The following PKP1 variants were observed in gnomAD, a reference collection of about 807,000 sequenced individuals.
PKP1 encodes the protein plakophilin 1.
Under a neutral mutation model 76.4 loss-of-function variants are expected in PKP1, and 27 were observed. The observed-to-expected ratio is 0.35, with a 90% CI of 0.26 to 0.49. The LOEUF (loss-of-function observed/expected upper bound fraction) is 0.49, where lower values mean the gene tolerates loss of function less well. Ranked by LOEUF, PKP1 falls within the 20% of genes least tolerant of loss-of-function variation. The pLI is 0.99. For missense variants in PKP1, 964 were observed against 955.2 expected (o/e 1.01, Z -0.12); for synonymous variants, 404 against 384.2 (o/e 1.05, Z -0.60).
chr1:201,296,915 A>G (rs1367255415), intron 2 of PKP1, among the ~76,000 whole-genome samples: 2 of 152,216 alleles, frequency 1.3e-5, no homozygotes, highest in Non-Finnish European at 2.9e-5. Flanking sequence ...CTAGTTCTAA[A>G]TATCAAACCA....
intron 1 of PKP1, among the ~76,000 whole-genome samples, chr1:201,292,239 C>T (rs113796923): frequency 0.011 from 1,610 of 152,224 alleles, 30 homozygotes; most frequent in African/African-American, 0.036. Context: ...CAGTCAGGCA[C>T]GTGTCACTAT....
intron 1 of PKP1, among the ~76,000 whole-genome samples, chr1:201,288,490 G>A (rs76125122): frequency 1.1e-3 from 170 of 152,274 alleles, no homozygotes; most frequent in African/African-American, 3.9e-3. Context: ...AAGATGGCAC[G>A]GGCATCAGGA....
At chr1:201,302,861 G>A (rs968784713) in intron 2 of PKP1, among the ~76,000 whole-genome samples, 12 of 152,126 alleles carry the variant, frequency 7.9e-5, no homozygotes, top group Non-Finnish European at 1.3e-4. Context: ...ACAGGCTGCC[G>A]AACTGCCGAA....
At chr1:201,323,328 G>T in intron 9 of PKP1, 139 bp downstream of exon 9, 5 of 796,010 alleles carry the variant, frequency 6.3e-6, no homozygotes, top group South Asian at 5.9e-5. Flanking sequence ...CATATGCTGG[G>T]CTCTGGGCTG....
chr1:201,326,227 G>C (rs1249797052), intron 12 of PKP1, among the ~76,000 whole-genome samples: 2 of 152,248 alleles, frequency 1.3e-5, no homozygotes, highest in Non-Finnish European at 2.9e-5. Context: ...TCAAACTGAA[G>C]AGCTTGGACT....
At chr1:201,320,845 C>T in intron 7 of PKP1, among the ~76,000 whole-genome samples, 1 of 152,176 alleles carries the variant, frequency 6.6e-6, no homozygotes, top group East Asian at 1.9e-4. Flanking sequence ...ACTGGTGCCC[C>T]CAGGGCTTAG....
intron 1 of PKP1, among the ~76,000 whole-genome samples, chr1:201,292,620 G>A (rs1470215263): frequency 6.6e-6 from 1 of 152,186 alleles, no homozygotes; most frequent in Non-Finnish European, 1.5e-5. Flanking sequence ...GCTCCCCCAG[G>A]CAATGGCCGG....
chr1:201,297,486 A>G (rs1326283573), intron 2 of PKP1, among the ~76,000 whole-genome samples: 3 of 152,222 alleles, frequency 2.0e-5, no homozygotes, highest in African/African-American at 7.2e-5. Flanking sequence ...GTAGAATATT[A>G]GAGCCCAACA....
intron 2 of PKP1, among the ~76,000 whole-genome samples, chr1:201,309,760 C>T (rs141867633): frequency 2.0e-5 from 3 of 152,182 alleles, no homozygotes; most frequent in Non-Finnish European, 2.9e-5. Flanking sequence ...TGTTTGGAAA[C>T]GTGTGGGGAC....
chr1:201,313,730 G>A (rs1380324296), intron 3 of PKP1, among the ~76,000 whole-genome samples, 170 bp downstream of exon 3: 1 of 152,234 alleles, frequency 6.6e-6, no homozygotes, highest in East Asian at 1.9e-4. Context: ...GGAGAACCTG[G>A]CCCCATGGGC....
chr1:201,313,341 G>T lies in PKP1; in HGVS notation c.482G>T (p.Cys161Phe), dbSNP rs34704938. ...KASRSEPDLYCDPRGTLRKGT... is the reference protein window; with the variant it reads ...KASRSEPDLYFDPRGTLRKGT... The stretch of plus-strand genomic sequence containing the variant: ...AGCCGCAGTGAGCCCGACCTCTACT[G>T]TGACCCACGGGGCACCCTGCGCAAG... Residue 161 changes from cysteine (C) to phenylalanine (F), a missense_variant, in exon 3 of 14, where the codon TGT becomes TTT. By Grantham distance (205) the Cys-to-Phe change is radical. Transcript: ENST00000367324. 1.3e-6 allele frequency: 2 copies of T among 1,588,828 alleles called. No homozygotes were observed. Among genetic ancestry groups the T allele is most frequent in the Non-Finnish European group, 1.7e-6 (2 of 1,167,380 alleles).
At chr1:201,306,108 T>G (rs1441257422) in intron 2 of PKP1, among the ~76,000 whole-genome samples, 3 of 152,236 alleles carry the variant, frequency 2.0e-5, no homozygotes, top group Non-Finnish European at 4.4e-5. Context: ...GTATGAAACC[T>G]TAGGTTCTTG....
rs832143 is a variant in PKP1, at chr1:201,293,627, G to T, written c.203-315G>T. 0.2 allele frequency among the ~76,000 whole-genome samples: 30,906 copies of T among 152,122 alleles called. 3,802 individuals carry two copies. The highest frequency in any genetic ancestry group is 0.33 in the Middle Eastern group (96 of 294). On this transcript the variant is annotated intron_variant, in intron 1 of 13. Coordinates refer to ENST00000367324, the MANE Select transcript of PKP1 (RefSeq NM_001005337.3). ...TGGGCTGGAATGGCCGTGCTCCAAG[G>T]CCCTCCAGACCAAGTCCTGACCTGT...
chr1:201,308,881 G>A (rs913405872), intron 2 of PKP1, among the ~76,000 whole-genome samples: 3 of 152,184 alleles, frequency 2.0e-5, no homozygotes, highest in Admixed American at 2.0e-4. Flanking sequence ...GCAGGGGCCA[G>A]TGGGGGGCAC....
In PKP1 at chr1:201,324,977, C is replaced by A; in HGVS notation, c.1871C>A (p.Thr624Asn). The A allele has an allele frequency of 1.9e-6, 3 of 1,613,868 alleles. No individual in the cohort carries two copies. The highest frequency in any genetic ancestry group is 2.5e-6 in the Non-Finnish European group (3 of 1,180,008). ...TTCCCGGAGGTGACCAGGCTCCTCACCAGCCACACTGGCAATACCAGCAAC... is the reference window on the plus strand; with the variant it reads ...TTCCCGGAGGTGACCAGGCTCCTCAACAGCCACACTGGCAATACCAGCAAC... ...QVFPEVTRLL[T>N]SHTGNTSNSE... Residue 624 changes from threonine (T) to asparagine (N), a missense_variant, in exon 11 of 14, where the codon ACC becomes AAC. Coordinates refer to ENST00000367324, the MANE Select transcript of PKP1 (RefSeq NM_001005337.3).
At chr1:201,312,696 G>A (rs1656596744) in intron 2 of PKP1, among the ~76,000 whole-genome samples, 1 of 152,330 alleles carries the variant, frequency 6.6e-6, no homozygotes, top group East Asian at 1.9e-4. Context: ...GACCCGTTCT[G>A]TGTCTGTGGG....
chr1:201,318,495 G>C (rs550214813), intron 5 of PKP1, 123 bp from the exon 6 acceptor site: 3 of 802,444 alleles, frequency 3.7e-6, no homozygotes, highest in Non-Finnish European at 6.4e-6. Context: ...TACAGACCAG[G>C]GCTACCTGGA....
At chr1:201,290,639 G>T (rs773571279) in intron 1 of PKP1, among the ~76,000 whole-genome samples, 1 of 152,196 alleles carries the variant, frequency 6.6e-6, no homozygotes, top group South Asian at 2.1e-4. Flanking sequence ...CTAAGCACCA[G>T]GCATCAGAGC....
intron 2 of PKP1, among the ~76,000 whole-genome samples, chr1:201,312,240 G>A (rs1348418477): frequency 6.6e-6 from 1 of 152,210 alleles, no homozygotes; most frequent in Non-Finnish European, 1.5e-5. Flanking sequence ...TTCTTGCCCT[G>A]GAAGAGGGGA....
Sources: allele counts gnomAD v4.1 joint callset (sites outside exome capture counted in the v4.1 genomes callset), GRCh38; gene constraint gnomAD v4.1.1; transcripts MANE v1.5; gene names NCBI Gene and HGNC (gene_info 2026-07-23, HGNC 2026-07-21).